Variants in GRAMD1C observed in about 807,000 individuals in gnomAD.
GRAMD1C encodes protein Aster-C.
GRAMD1C carries 89 observed loss-of-function variants against 97.8 expected under a neutral mutation model. That is an observed-to-expected ratio of 0.91 (90% CI 0.77 to 1.09). GRAMD1C has a LOEUF of 1.09. Ranked by LOEUF, GRAMD1C falls within the 50% of genes least tolerant of loss-of-function variation. The pLI is 0.00. For synonymous variants in GRAMD1C, 256 were observed against 267.0 expected (o/e 0.96, Z 0.40); for missense variants, 740 against 766.4 (o/e 0.97, Z 0.41).
chr3:113,837,336 CA>C (rs1268929533), upstream of GRAMD1C, among the ~76,000 whole-genome samples: 4 of 152,128 alleles, frequency 2.6e-5, no homozygotes, highest in African/African-American at 9.7e-5. Context: ...AGACAGGCCT[CA>C]GTTAATTTAG....
At chr3:113,937,733 G>C (rs1336659617) in intron 14 of GRAMD1C, among the ~76,000 whole-genome samples, 1 of 152,190 alleles carries the variant, frequency 6.6e-6, no homozygotes, top group South Asian at 2.1e-4. Flanking sequence ...GGCTGGGTGC[G>C]GTGGCTCACG....
At chr3:113,847,136 T>C (rs1430487416) in intron 2 of GRAMD1C, among the ~76,000 whole-genome samples, 2 of 152,136 alleles carry the variant, frequency 1.3e-5, no homozygotes, top group African/African-American at 2.4e-5. Flanking sequence ...TAATAACACA[T>C]AGAGATACCA....
In GRAMD1C at chr3:113,852,682, C is replaced by T. The variant is rs112569776; in HGVS notation, c.174+8033C>T. 9.8e-3 allele frequency among the ~76,000 whole-genome samples: 1,496 copies of T among 152,144 alleles called. 19 individuals carry two copies. Among genetic ancestry groups the T allele is most frequent in the South Asian group, 0.031 (149 of 4,820 alleles). On this transcript the variant is annotated intron_variant, in intron 2 of 17. Transcript: ENST00000358160. Reference sequence around the variant, plus strand: ...GCCCATAAGCTAATGCCGAGGTACCCGTGAGGAATTTGCTCAGCTTTAATG... The same window carrying T: ...GCCCATAAGCTAATGCCGAGGTACCTGTGAGGAATTTGCTCAGCTTTAATG...
rs753264468 is a variant in GRAMD1C at position 113,875,639 on chromosome 3, A to G, written c.363+52A>G. The G allele has an allele frequency of 6.2e-6, 5 of 809,224 alleles. No individual in the cohort carries two copies. In the South Asian group the frequency reaches 7.1e-5, roughly 11 times the overall value. The allele number at this position is 809,224 out of a possible 1,614,324, so 50.1% of individuals were successfully genotyped here. A position where few individuals can be genotyped will look rare whatever the true frequency, so the allele number is the denominator to read the frequency against. On this transcript the variant is annotated intron_variant, in intron 4 of 17. Transcript: ENST00000358160. Reference sequence around the variant, plus strand: ...GATACAAATAATTGCATAGAGATATATACAGTTCTTCCAAAAACTCTACTT... The same window carrying G: ...GATACAAATAATTGCATAGAGATATGTACAGTTCTTCCAAAAACTCTACTT...
intron 6 of GRAMD1C, among the ~76,000 whole-genome samples, chr3:113,883,808 C>T (rs1262874863): frequency 1.3e-5 from 2 of 151,952 alleles, no homozygotes; most frequent in African/African-American, 4.8e-5. Flanking sequence ...CCAAAATATA[C>T]AAGCAAAAGT....
chr3:113,891,842 G>A (rs977456634), intron 6 of GRAMD1C, among the ~76,000 whole-genome samples: 7 of 151,784 alleles, frequency 4.6e-5, no homozygotes, highest in African/African-American at 7.3e-5. Flanking sequence ...AGCTGTGACC[G>A]TGCCACTGCA....
chr3:113,849,383 C>G (rs1472251169), intron 2 of GRAMD1C, among the ~76,000 whole-genome samples: 4 of 151,398 alleles, frequency 2.6e-5, no homozygotes, highest in East Asian at 1.9e-4. Context: ...TGGAGGGAAG[C>G]TCAGCAGATA....
chr3:113,869,413 T>G (rs955482437), intron 2 of GRAMD1C, 94 bp from the exon 3 acceptor site: 1 of 726,262 alleles, frequency 1.4e-6, no homozygotes, highest in Non-Finnish European at 2.4e-6. Context: ...AAATATTGCA[T>G]AGAAAGCATA....
At chr3:113,860,858 C>T (rs750246302) in intron 2 of GRAMD1C, among the ~76,000 whole-genome samples, 7 of 151,524 alleles carry the variant, frequency 4.6e-5, no homozygotes, top group East Asian at 3.9e-4. Flanking sequence ...CCCAGCTACT[C>T]GGGACGCTGA....
intron 10 of GRAMD1C, among the ~76,000 whole-genome samples, chr3:113,928,211 T>G (rs1937295440): frequency 6.6e-6 from 1 of 152,190 alleles, no homozygotes; most frequent in South Asian, 2.1e-4. Context: ...TGACATGGTT[T>G]CTTAGATGAT....
chr3:113,849,266 ATTTT>A (rs2107326169), intron 2 of GRAMD1C, among the ~76,000 whole-genome samples: 1 of 131,156 alleles, frequency 7.6e-6, no homozygotes, highest in African/African-American at 2.8e-5. Context: ...GCTAGTTAAT[ATTTT>A]ATTTATTTAT....
intron 13 of GRAMD1C, 139 bp downstream of exon 13, chr3:113,934,674 C>T (rs961091921): frequency 3.9e-5 from 21 of 531,702 alleles, no homozygotes; most frequent in Middle Eastern, 5.1e-4. Flanking sequence ...TCCCACTGTC[C>T]CACTTTTTCT....
In GRAMD1C at chr3:113,848,126, G is replaced by A. The variant is rs186074512; in HGVS notation, c.174+3477G>A. Among the ~76,000 whole-genome samples the A allele has an allele frequency of 1.5e-3, 227 of 152,356 alleles. 2 individuals carry two copies. Among genetic ancestry groups the A allele is most frequent in the South Asian group, 8.9e-3 (43 of 4,826 alleles). On this transcript the variant is annotated intron_variant, in intron 2 of 17. Transcript: ENST00000358160. Reference sequence around the variant, plus strand: ...CAGTTGTTCCACAGTAGTGAATTTAGAGGGCAGCATGATATAATTGAACAC... The same window carrying A: ...CAGTTGTTCCACAGTAGTGAATTTAAAGGGCAGCATGATATAATTGAACAC...
intron 6 of GRAMD1C, chr3:113,885,193 A>T: frequency 1.5e-6 from 1 of 685,866 alleles, no homozygotes; most frequent in Non-Finnish European, 2.5e-6. Context: ...CTCTCCTGCC[A>T]CTTGGGGCCC....
intron 6 of GRAMD1C, chr3:113,890,614 C>G: frequency 1.7e-6 from 1 of 575,692 alleles, no homozygotes; most frequent in Non-Finnish European, 3.2e-6. Context: ...GGCTACCCCA[C>G]CCCAAATACT....
intron 9 of GRAMD1C, among the ~76,000 whole-genome samples, chr3:113,912,550 C>G (rs966386798): frequency 6.6e-6 from 1 of 151,912 alleles, no homozygotes; most frequent in Non-Finnish European, 1.5e-5. Flanking sequence ...TGAGACCAGT[C>G]TGGGCAAGAC....
At chr3:113,931,589 A>T (rs1228695262) in intron 11 of GRAMD1C, among the ~76,000 whole-genome samples, 2 of 151,766 alleles carry the variant, frequency 1.3e-5, no homozygotes, top group Non-Finnish European at 2.9e-5. Context: ...GAACTCCTGA[A>T]CTCATGATCC....
Position 113,930,811 on chromosome 3 carries a change from C to T in GRAMD1C, c.1188C>T (p.Cys396=). The change falls in exon 11 of 18, where the codon TGC becomes TGT. Residue 396 remains cysteine, a synonymous_variant. Coordinates refer to ENST00000358160, the MANE Select transcript of GRAMD1C (RefSeq NM_017577.5). ...TTAATAGTCCACTTACTGGAAAATG[C>T]ACTGCTGCCACTGAAAAGCAGGTAC... ...IVLNSPLTGK[C]TAATEKQTLY... is the part of the protein sequence containing the mutation. 6.3e-7 allele frequency: 1 copy of T among 1,584,742 alleles called. No individual in the cohort carries two copies. The highest frequency in any genetic ancestry group is 8.7e-7 in the Non-Finnish European group (1 of 1,153,346).
chr3:113,901,966 G>T (rs980673401), intron 7 of GRAMD1C, among the ~76,000 whole-genome samples: 12 of 125,670 alleles, frequency 9.5e-5, no homozygotes, highest in Non-Finnish European at 1.7e-4. Flanking sequence ...CTGATAGGAA[G>T]GGAGAATGGG....
Sources: allele counts gnomAD v4.1 joint callset (sites outside exome capture counted in the v4.1 genomes callset), GRCh38; gene constraint gnomAD v4.1.1; transcripts MANE v1.5; gene names NCBI Gene and HGNC (gene_info 2026-07-23, HGNC 2026-07-21).